MLLT3: variants seen among roughly 807,000 people sequenced by gnomAD.
MLLT3 encodes the protein MLLT3 super elongation complex subunit, also known as protein AF-9.
Under a neutral mutation model 53.2 loss-of-function variants are expected in MLLT3, and 4 were observed. The ratio of observed to expected loss-of-function variants is 0.08; its 90% CI spans 0.04 to 0.17. The LOEUF is 0.17. Ranked by LOEUF, MLLT3 falls within the 10% of genes least tolerant of loss-of-function variation. The probability of loss-of-function intolerance (pLI) is 1.00; values close to 1 mark genes in which losing one functional copy is unlikely to be tolerated. For synonymous variants in MLLT3, 283 were observed against 230.6 expected (o/e 1.23, Z -2.06); for missense variants, 569 against 684.0 (o/e 0.83, Z 1.87).
intron 2 of MLLT3, among the ~76,000 whole-genome samples, chr9:20,529,724 C>CTTTT (rs5896896): frequency 4.3e-3 from 330 of 76,144 alleles, no homozygotes; most frequent in Middle Eastern, 9.4e-3. Flanking sequence ...TAATCCAATC[C>CTTTT]TTTTTTTTTT....
At chr9:20,576,782 T>A (rs909850544) in intron 2 of MLLT3, among the ~76,000 whole-genome samples, 2 of 151,830 alleles carry the variant, frequency 1.3e-5, no homozygotes, top group Non-Finnish European at 2.9e-5. Context: ...ACACATGCTG[T>A]TGGAGAAATG....
intron 2 of MLLT3, among the ~76,000 whole-genome samples, chr9:20,536,512 C>A (rs764112754): frequency 1.3e-5 from 2 of 152,064 alleles, no homozygotes; most frequent in Admixed American, 6.5e-5. Context: ...AATGCTAGCC[C>A]GTAAAATTAA....
chr9:20,460,716 C>T (rs1824084348), intron 2 of MLLT3, among the ~76,000 whole-genome samples: 2 of 152,198 alleles, frequency 1.3e-5, no homozygotes, highest in Admixed American at 1.3e-4. Flanking sequence ...TTTTAAAAGA[C>T]TCATGCTACC....
intron 2 of MLLT3, among the ~76,000 whole-genome samples, chr9:20,484,006 C>T (rs6475436): frequency 0.25 from 37,942 of 151,788 alleles, 5,145 homozygotes; most frequent in East Asian, 0.48. Context: ...CCACCGTGCC[C>T]GGCCCAGTAA....
chr9:20,376,956 G>A (rs1479211292), intron 5 of MLLT3, among the ~76,000 whole-genome samples: 1 of 152,190 alleles, frequency 6.6e-6, no homozygotes, highest in African/African-American at 2.4e-5. Flanking sequence ...CACATGTACA[G>A]AAGTTGAATT....
intron 4 of MLLT3, among the ~76,000 whole-genome samples, chr9:20,437,903 C>G (rs548407298): frequency 6.6e-6 from 1 of 152,156 alleles, no homozygotes; most frequent in Admixed American, 6.6e-5. Context: ...TCAGCTGGTC[C>G]TCTAGTTTTT....
intron 2 of MLLT3, among the ~76,000 whole-genome samples, chr9:20,487,120 G>A (rs781433488): frequency 6.6e-6 from 1 of 152,004 alleles, no homozygotes; most frequent in Non-Finnish European, 1.5e-5. Context: ...TGGCAGAGAG[G>A]GCATTAGCTA....
At chr9:20,371,837 G>T (rs956074780) in intron 5 of MLLT3, among the ~76,000 whole-genome samples, 1 of 152,184 alleles carries the variant, frequency 6.6e-6, no homozygotes, top group Non-Finnish European at 1.5e-5. Flanking sequence ...AGGTGCCATA[G>T]ATAGTGATTC....
chr9:20,487,209 T>C (rs1343252803), intron 2 of MLLT3, among the ~76,000 whole-genome samples: 1 of 152,114 alleles, frequency 6.6e-6, no homozygotes, highest in Non-Finnish European at 1.5e-5. Context: ...TCACCTCATC[T>C]TTCATTTCTT....
intron 2 of MLLT3, among the ~76,000 whole-genome samples, chr9:20,538,342 C>T (rs1259836397): frequency 6.6e-6 from 1 of 152,176 alleles, no homozygotes; most frequent in Admixed American, 6.5e-5. Context: ...GGTCAAATTA[C>T]TTGCCCAAAA....
intron 5 of MLLT3, among the ~76,000 whole-genome samples, chr9:20,394,568 G>T (rs1182015068): frequency 6.6e-6 from 1 of 152,080 alleles, no homozygotes; most frequent in Non-Finnish European, 1.5e-5. Flanking sequence ...GAGACATCAT[G>T]TCTGGGTGTA....
intron 2 of MLLT3, among the ~76,000 whole-genome samples, chr9:20,483,670 CT>C (rs1301925080): frequency 2.7e-5 from 4 of 148,606 alleles, no homozygotes; most frequent in African/African-American, 9.9e-5. Flanking sequence ...TGATGTTACA[CT>C]AACGAGATAA....
At chr9:20,574,088 G>C (rs371237186) in intron 2 of MLLT3, among the ~76,000 whole-genome samples, 1 of 152,128 alleles carries the variant, frequency 6.6e-6, no homozygotes, top group East Asian at 1.9e-4. Context: ...GCAGATTGCC[G>C]GGTTCTGGAC....
chr9:20,459,719 AT>A (rs531293831), intron 2 of MLLT3, among the ~76,000 whole-genome samples: 39 of 151,668 alleles, frequency 2.6e-4, no homozygotes, highest in Middle Eastern at 3.4e-3. Context: ...ATATCTTTGG[AT>A]TTTTTTTTCC....
At chr9:20,578,241 T>C (rs1293474038) in intron 2 of MLLT3, among the ~76,000 whole-genome samples, 1 of 152,194 alleles carries the variant, frequency 6.6e-6, no homozygotes, top group African/African-American at 2.4e-5. Context: ...AAGAAGTCCA[T>C]GTAAGTCCTC....
chr9:20,503,673 C>G (rs1028970558), intron 2 of MLLT3, among the ~76,000 whole-genome samples: 1 of 151,648 alleles, frequency 6.6e-6, no homozygotes, highest in Non-Finnish European at 1.5e-5. Flanking sequence ...GCACAGGCAA[C>G]CAAAAACAAA....
chr9:20,404,486 C>T (rs1822531834), intron 5 of MLLT3, among the ~76,000 whole-genome samples: 1 of 152,136 alleles, frequency 6.6e-6, no homozygotes, highest in Admixed American at 6.6e-5. Context: ...CGGCTCTCTA[C>T]TACAAAGCTA....
chr9:20,393,152 T>C (rs1346566765), intron 5 of MLLT3, among the ~76,000 whole-genome samples: 1 of 151,920 alleles, frequency 6.6e-6, no homozygotes, highest in South Asian at 2.1e-4. Flanking sequence ...CAAAACTCCA[T>C]CTCAATTAAA....
Position 20,493,265 on chromosome 9 carries a change from C to A in MLLT3, c.194-36479G>T, listed in dbSNP as rs1824998108. On this transcript the variant is annotated intron_variant, in intron 2 of 10. Transcript: ENST00000380338. ...CAACTCATATTTCTCCAAAAAGCAT[C>A]CTACCTATCCTATAGTAATTTATCA... 3.3e-5 allele frequency among the ~76,000 whole-genome samples: 5 copies of A among 152,082 alleles called. No individual in the cohort carries two copies. The South Asian group carries it at 1.0e-3, about 32-fold the overall frequency.
Sources: gnomAD v4.1 joint callset for allele counts (sites outside exome capture counted in the v4.1 genomes callset) on GRCh38, gnomAD v4.1.1 for gene constraint, MANE v1.5 for transcripts, NCBI Gene and HGNC (gene_info 2026-07-23, HGNC 2026-07-21) for gene names.